Variants in ZFP37 observed in about 807,000 individuals in gnomAD.
The protein encoded by ZFP37 is ZFP37 zinc finger protein.
ZFP37 carries 38 observed loss-of-function variants against 52.1 expected under a neutral mutation model. That is an observed-to-expected ratio of 0.73 (90% CI 0.56 to 0.96). The LOEUF (loss-of-function observed/expected upper bound fraction) is 0.96. ZFP37 is among the 40% of genes least tolerant of loss of function. ZFP37 has a pLI of 0.00. For missense variants in ZFP37, 695 were observed against 741.4 expected (o/e 0.94, Z 0.73); for synonymous variants, 253 against 259.5 (o/e 0.98, Z 0.24).
intron 3 of ZFP37, among the ~76,000 whole-genome samples, chr9:113,047,874 A>G (rs1031038760): frequency 7.9e-5 from 12 of 152,258 alleles, no homozygotes; most frequent in African/African-American, 2.9e-4. Context: ...AAGTAGGTCA[A>G]ATATGAGTAT....
At chr9:113,048,308 T>C (rs1828995196) in intron 3 of ZFP37, among the ~76,000 whole-genome samples, 1 of 152,036 alleles carries the variant, frequency 6.6e-6, no homozygotes, top group Non-Finnish European at 1.5e-5. Context: ...GAAACGGAAA[T>C]AACTCAGGGC....
intron 1 of ZFP37, among the ~76,000 whole-genome samples, chr9:113,051,595 G>C (rs1829058782): frequency 6.6e-6 from 1 of 152,026 alleles, no homozygotes; most frequent in African/African-American, 2.4e-5. Flanking sequence ...TGGGACTATA[G>C]GCAAGCAACA....
intron 1 of ZFP37, among the ~76,000 whole-genome samples, chr9:113,050,973 A>G (rs561487290): frequency 6.6e-6 from 1 of 152,150 alleles, no homozygotes; most frequent in Non-Finnish European, 1.5e-5. Flanking sequence ...TACACTACCA[A>G]TGTTCTTTAG....
In ZFP37 at chr9:113,042,955, TA is replaced by T. The variant is rs1828874626; in HGVS notation, c.1662del (p.Phe554LeufsTer63). 1 of 1,613,832 alleles carries T rather than the reference TA, an allele frequency of 6.2e-7. No homozygotes were observed. Among genetic ancestry groups the T allele is most frequent in the South Asian group, 1.1e-5 (1 of 91,068 alleles). ...PYECNECGKA[F>X]SQKSHLIVHQ... ...TGTACAATGAGGTGAGACTTTTGGC[TA>T]AAGGCTTTCCCACATTCATTACACT... On this transcript the variant is annotated frameshift_variant, in exon 4 of 4. Coordinates refer to ENST00000374227, the MANE Select transcript of ZFP37 (RefSeq NM_003408.3). LOFTEE classifies it high-confidence loss of function.
rs1294106759 is a variant in ZFP37 at position 113,042,166 on chromosome 9, C to G, written c.*559G>C. ...TCGCTCCCTACCAGCACATTTGTATCCTCAGCTGCTTTATTTTCTCTCATT... is the reference window on the plus strand; with the variant it reads ...TCGCTCCCTACCAGCACATTTGTATGCTCAGCTGCTTTATTTTCTCTCATT... On this transcript the variant is annotated 3_prime_UTR_variant, in exon 4 of 4. Transcript: ENST00000374227. 1 of 152,272 alleles carries G rather than the reference C, an allele frequency of 6.6e-6. No individual in the cohort carries two copies. The highest frequency in any genetic ancestry group is 1.5e-5 in the Non-Finnish European group (1 of 68,102). The allele number at this position is 152,272 out of a possible 1,614,324, so 9.4% of individuals were successfully genotyped here.
In ZFP37 at chr9:113,042,058, T is replaced by A. The variant is rs1234082371; in HGVS notation, c.*667A>T. ...ATAAGAGACAGAGGTTAAACAAACATACCCTTTTGTACACAAAGGGGAACA... is the reference window on the plus strand; with the variant it reads ...ATAAGAGACAGAGGTTAAACAAACAAACCCTTTTGTACACAAAGGGGAACA... On this transcript the variant is annotated 3_prime_UTR_variant, in exon 4 of 4. Coordinates refer to ENST00000374227, the MANE Select transcript of ZFP37 (RefSeq NM_003408.3). The A allele has an allele frequency of 6.6e-6, 1 of 152,216 alleles. No individual in the cohort carries two copies. Among genetic ancestry groups the A allele is most frequent in the Admixed American group, 6.5e-5 (1 of 15,278 alleles). 9.4% of individuals were successfully genotyped at this position (152,216 alleles called of 1,614,324 possible).
At chr9:113,051,421 C>A (rs990450898) in intron 1 of ZFP37, among the ~76,000 whole-genome samples, 4 of 152,056 alleles carry the variant, frequency 2.6e-5, no homozygotes, top group Non-Finnish European at 5.9e-5. Flanking sequence ...CTTATCCTTA[C>A]AGGCAACCAA....
chr9:113,042,611 A>C lies in ZFP37; in HGVS notation c.*114T>G, dbSNP rs1009352518. ...TGAAGATCCATTTTCAAAGTTTCTCATGTACAACAAGGTGTGACATCTTGC... is the reference window on the plus strand; with the variant it reads ...TGAAGATCCATTTTCAAAGTTTCTCCTGTACAACAAGGTGTGACATCTTGC... On this transcript the variant is annotated 3_prime_UTR_variant, in exon 4 of 4. Coordinates refer to ENST00000374227, the MANE Select transcript of ZFP37 (RefSeq NM_003408.3). The C allele has an allele frequency of 2.3e-5, 20 of 852,682 alleles. No individual in the cohort carries two copies. Among genetic ancestry groups the C allele is most frequent in the Non-Finnish European group, 8.6e-6 (5 of 584,762 alleles). The allele number at this position is 852,682 out of a possible 1,614,324, so 52.8% of individuals were successfully genotyped here.
chr9:113,049,260 T>A, intron 3 of ZFP37, 102 bp downstream of exon 3: 1 of 1,311,294 alleles, frequency 7.6e-7, no homozygotes, highest in Non-Finnish European at 1.0e-6. Context: ...AAATCCTGAT[T>A]TTTTCTATTG....
rs1197785784 is a variant in ZFP37, at chr9:113,038,496, G to A, written c.*4229C>T. On this transcript the variant is annotated 3_prime_UTR_variant, in exon 4 of 4. Transcript: ENST00000374227. Reference sequence around the variant, plus strand: ...TTACTATGAAGGTTAAGAAATTAAAGATTTGGCCAAATGTGGTAGCTCACA... The same window carrying A: ...TTACTATGAAGGTTAAGAAATTAAAAATTTGGCCAAATGTGGTAGCTCACA... 1 of 151,786 alleles carries A rather than the reference G, an allele frequency of 6.6e-6. No individual in the cohort carries two copies. Among genetic ancestry groups the A allele is most frequent in the African/African-American group, 2.4e-5 (1 of 41,354 alleles). The allele number at this position is 151,786 out of a possible 1,614,324, so 9.4% of individuals were successfully genotyped here.
rs1828866100 is a variant in ZFP37 at position 113,042,630 on chromosome 9, A to G, written c.*95T>C. The G allele has an allele frequency of 9.2e-7, 1 of 1,082,920 alleles. No homozygotes were observed. Among genetic ancestry groups the G allele is most frequent in the Non-Finnish European group, 1.3e-6 (1 of 780,450 alleles). 67.1% of individuals were successfully genotyped at this position (1,082,920 alleles called of 1,614,324 possible). A position where few individuals can be genotyped will look rare whatever the true frequency, so the allele number is the denominator to read the frequency against. On this transcript the variant is annotated 3_prime_UTR_variant, in exon 4 of 4. Transcript: ENST00000374227. Reference sequence around the variant, plus strand: ...TTTCTCATGTACAACAAGGTGTGACATCTTGCTAAAGGCTTTCTAACACTC... The same window carrying G: ...TTTCTCATGTACAACAAGGTGTGACGTCTTGCTAAAGGCTTTCTAACACTC...
chr9:113,048,139 TTAAAG>T (rs1828991934), intron 3 of ZFP37, among the ~76,000 whole-genome samples: 1 of 152,150 alleles, frequency 6.6e-6, no homozygotes, highest in Admixed American at 6.5e-5. Flanking sequence ...ACAAAAACGA[TTAAAG>T]TATGCACTGA....
At chr9:113,048,079 T>C (rs1160037126) in intron 3 of ZFP37, among the ~76,000 whole-genome samples, 1 of 152,188 alleles carries the variant, frequency 6.6e-6, no homozygotes, top group African/African-American at 2.4e-5. Flanking sequence ...GAAGATAAGA[T>C]CTGATTCAAG....
At position 113,043,222 on chromosome 9, in the gene ZFP37, A is replaced by G. The variant is rs1233319793; in HGVS notation, c.1396T>C (p.Cys466Arg). 8.7e-6 allele frequency: 14 copies of G among 1,613,816 alleles called. No individual in the cohort carries two copies. The highest frequency in any genetic ancestry group is 1.1e-5 in the Non-Finnish European group (13 of 1,179,974). The change falls in exon 4 of 4, where the codon TGT (cysteine) becomes CGT (arginine). Residue 466 changes from cysteine (C) to arginine (R), a missense_variant. By Grantham distance (180) the Cys-to-Arg change is radical. Around this residue, in one of 2 missense-constraint regions of ZFP37, gnomAD observed 326 missense variants for 400.5 expected, o/e 0.81. Coordinates refer to ENST00000374227, the MANE Select transcript of ZFP37 (RefSeq NM_003408.3). ...GACTTCTTGCTGAAAGCTTTCCCAC[A>G]TTCATTACATTCAAAGGGTTTCTCA... ...TGEKPFECNE[C>R]GKAFSKKSHL... is the part of the protein sequence containing the mutation.
Position 113,043,503 on chromosome 9 carries a change from G to A in ZFP37, c.1115C>T (p.Thr372Ile), listed in dbSNP as rs1354943506. 1.2e-6 allele frequency: 2 copies of A among 1,613,966 alleles called. No homozygotes were observed. The highest frequency in any genetic ancestry group is 1.7e-6 in the Non-Finnish European group (2 of 1,179,966). Residue 372 changes from threonine to isoleucine, a missense_variant, in exon 4 of 4, where the codon ACT becomes ATT. By Grantham distance (89) the Thr-to-Ile change is moderately conservative. Around this residue, in one of 2 missense-constraint regions of ZFP37, gnomAD observed 326 missense variants for 400.5 expected, o/e 0.81. Transcript: ENST00000374227. The stretch of plus-strand genomic sequence containing the variant: ...AGCACATTCATAGGGCTTTTCTCCA[G>A]TATGAATTCTTAGATGGTCAGTGAG... ...HALTDHLRIH[T>I]GEKPYECAEC...
chr9:113,046,991 C>A (rs1828968946), intron 3 of ZFP37, among the ~76,000 whole-genome samples: 1 of 151,996 alleles, frequency 6.6e-6, no homozygotes, highest in African/African-American at 2.4e-5. Context: ...CACCTGTAGT[C>A]CCAGCTACTT....
rs1168359246 is a variant in ZFP37 at position 113,044,324 on chromosome 9, A to T, written c.350-56T>A. The T allele has an allele frequency of 2.7e-6, 4 of 1,461,436 alleles. No individual in the cohort carries two copies. In the African/African-American group the frequency reaches 5.7e-5, roughly 21 times the overall value. The allele number at this position is 1,461,436 out of a possible 1,614,324, so 90.5% of individuals were successfully genotyped here. A position where few individuals can be genotyped will look rare whatever the true frequency, so the allele number is the denominator to read the frequency against. ...GAATCTTTGTACTCTTATATTTTGG[A>T]ATAAAACTGGTAAAGAAATGACCTG... On this transcript the variant is annotated intron_variant, in intron 3 of 3. Coordinates refer to ENST00000374227, the MANE Select transcript of ZFP37 (RefSeq NM_003408.3).
At chr9:113,049,562 T>A in intron 2 of ZFP37, 66 bp from the exon 3 acceptor site, 1 of 1,560,844 alleles carries the variant, frequency 6.4e-7, no homozygotes, top group South Asian at 1.2e-5. Context: ...GCCGCAGCAT[T>A]TGTACTTCAG....
chr9:113,054,392 CCTAT>C (rs1829106367), intron 1 of ZFP37, among the ~76,000 whole-genome samples: 2 of 152,136 alleles, frequency 1.3e-5, no homozygotes, highest in East Asian at 1.9e-4. Flanking sequence ...TCTTCTCTTC[CCTAT>C]CTGTCTTCTC....
Sources: allele counts gnomAD v4.1 joint callset (sites outside exome capture counted in the v4.1 genomes callset), GRCh38; gene constraint gnomAD v4.1.1; regional missense constraint gnomAD v4.1.1; transcripts MANE v1.5; gene names NCBI Gene and HGNC (gene_info 2026-07-23, HGNC 2026-07-21).